USH2A: variants seen among roughly 807,000 people sequenced by gnomAD.
USH2A encodes the protein Usher syndrome 2A (autosomal recessive, mild).
Under a neutral mutation model 538.9 loss-of-function variants are expected in USH2A, and 443 were observed. The observed-to-expected ratio is 0.82, with a 90% CI of 0.76 to 0.89. The LOEUF is 0.89. Ranked by LOEUF, USH2A falls within the 40% of genes least tolerant of loss-of-function variation. USH2A has a pLI of 0.00. For synonymous variants in USH2A, 2,413 were observed against 2,273.5 expected (o/e 1.06, Z -1.75); for missense variants, 6,633 against 6,324.8 (o/e 1.05, Z -1.65).
chr1:216,030,819 T>C (rs1161936113), intron 32 of USH2A, among the ~76,000 whole-genome samples: 1 of 151,428 alleles, frequency 6.6e-6, no homozygotes, highest in African/African-American at 2.4e-5. Flanking sequence ...AGGTATTAAT[T>C]TTTTTAATCT....
intron 35 of USH2A, among the ~76,000 whole-genome samples, chr1:215,991,802 T>C (rs1025552653): frequency 3.3e-5 from 5 of 152,208 alleles, no homozygotes; most frequent in African/African-American, 9.6e-5. Context: ...TGCTCTACTA[T>C]GCAAATCATG....
chr1:215,690,184 A>C (rs115432860), intron 61 of USH2A, among the ~76,000 whole-genome samples: 1,555 of 152,224 alleles, frequency 0.01, 26 homozygotes, highest in African/African-American at 0.035. Context: ...TTTAACCAAT[A>C]GTGGCCCAGG....
chr1:216,280,334 G>A (rs1250216715), intron 11 of USH2A, among the ~76,000 whole-genome samples: 1 of 151,218 alleles, frequency 6.6e-6, no homozygotes, highest in African/African-American at 2.4e-5. Flanking sequence ...ATCTTTTTTG[G>A]TTCATGTATC....
At chr1:215,904,258 A>G (rs934572712) in intron 38 of USH2A, among the ~76,000 whole-genome samples, 3 of 152,200 alleles carry the variant, frequency 2.0e-5, no homozygotes, top group Middle Eastern at 3.4e-3. Context: ...AAACTACATT[A>G]CCTTTCTATT....
chr1:215,912,612 G>A (rs917176645), intron 38 of USH2A, among the ~76,000 whole-genome samples: 27 of 151,104 alleles, frequency 1.8e-4, no homozygotes, highest in African/African-American at 4.1e-4. Context: ...ATCCATCCCC[G>A]CAAGCATTTA....
chr1:216,335,709 G>T (rs911992802), intron 4 of USH2A, among the ~76,000 whole-genome samples: 1 of 151,432 alleles, frequency 6.6e-6, no homozygotes, highest in Non-Finnish European at 1.5e-5. Flanking sequence ...CACAAACTAT[G>T]TAAACTGACT....
At chr1:216,086,037 G>A (rs1380425224) in intron 24 of USH2A, among the ~76,000 whole-genome samples, 1 of 151,998 alleles carries the variant, frequency 6.6e-6, no homozygotes, top group African/African-American at 2.4e-5. Flanking sequence ...TTCTTAATGA[G>A]GACTTGGGAA....
intron 21 of USH2A, among the ~76,000 whole-genome samples, chr1:216,159,565 C>A (rs988840691): frequency 2.0e-5 from 3 of 151,526 alleles, no homozygotes; most frequent in Admixed American, 6.6e-5. Context: ...CACACACACA[C>A]ACACACAGAG....
At position 215,623,502 on chromosome 1, in the gene USH2A, T is replaced by TATA. The variant is rs954852069; in HGVS notation, c.*2276_*2278dup. ...TCTAGAGGCGAGTCTGCATGGTTTG[T>TATA]ATAATAGAGGCTTGGCACGCAATAC... On this transcript the variant is annotated 3_prime_UTR_variant, in exon 72 of 72. Transcript: ENST00000307340. 1 of 151,318 alleles carries TATA rather than the reference T, an allele frequency of 6.6e-6. No individual in the cohort carries two copies. The highest frequency in any genetic ancestry group is 1.5e-5 in the Non-Finnish European group (1 of 67,580). The allele number at this position is 151,318 out of a possible 1,614,324, so 9.4% of individuals were successfully genotyped here.
chr1:216,274,956 T>C (rs2036643163), intron 11 of USH2A, among the ~76,000 whole-genome samples: 1 of 152,000 alleles, frequency 6.6e-6, no homozygotes, highest in Non-Finnish European at 1.5e-5. Context: ...AAAACTATAG[T>C]AGGAAAGGAA....
In USH2A at chr1:216,401,200, T is replaced by C. The variant is rs949812855; in HGVS notation, c.651+17314A>G. Among the ~76,000 whole-genome samples, 4 of 152,062 alleles carry C rather than the reference T, an allele frequency of 2.6e-5. No individual in the cohort carries two copies. The South Asian group carries it at 6.2e-4, about 24-fold the overall frequency. ...CCTAAGTGGAAATAAAAGTACACTT[T>C]AATGGAAGTAGTAATATGTCCATGT... is the stretch of plus-strand genomic sequence containing the variant. On this transcript the variant is annotated intron_variant, in intron 3 of 71. Coordinates refer to ENST00000307340, the MANE Select transcript of USH2A (RefSeq NM_206933.4).
chr1:215,737,991 G>C (rs1571635917), intron 60 of USH2A, among the ~76,000 whole-genome samples: 3 of 152,082 alleles, frequency 2.0e-5, no homozygotes, highest in Admixed American at 2.0e-4. Context: ...TTGCCTCTCA[G>C]TGCACATTGA....
chr1:216,169,671 C>T (rs545373265), intron 21 of USH2A, among the ~76,000 whole-genome samples: 3 of 152,250 alleles, frequency 2.0e-5, no homozygotes, highest in African/African-American at 7.2e-5. Flanking sequence ...CTCAACCATT[C>T]TCATCTCTTC....
At chr1:215,846,945 T>C (rs771770711) in intron 44 of USH2A, among the ~76,000 whole-genome samples, 5 of 152,200 alleles carry the variant, frequency 3.3e-5, no homozygotes, top group Non-Finnish European at 7.3e-5. Context: ...CTCAGGATAA[T>C]ACTTAAATTT....
chr1:215,630,484 A>ATGTGTG (rs1420156571), intron 70 of USH2A, among the ~76,000 whole-genome samples: 1 of 10,598 alleles, frequency 9.4e-5, no homozygotes, highest in African/African-American at 2.0e-4. Context: ...GTGTGTGTGT[A>ATGTGTG]TATATATATA....
In USH2A at chr1:216,017,881, C is replaced by T. The variant is rs532684657; in HGVS notation, c.6326-17319G>A. On this transcript the variant is annotated intron_variant, in intron 32 of 71. Coordinates refer to ENST00000307340, the MANE Select transcript of USH2A (RefSeq NM_206933.4). ...ACTATTTCAACCTAGCCCTATACTA[C>T]GCCTTATATAGCATAAGAAAGTAAT... Among the ~76,000 whole-genome samples, 17 of 152,246 alleles carry T rather than the reference C, an allele frequency of 1.1e-4. 1 individual carries two copies. Among genetic ancestry groups the T allele is most frequent in the Middle Eastern group, 3.4e-3 (1 of 294 alleles).
At chr1:216,315,221 T>A (rs2102642515) in intron 9 of USH2A, among the ~76,000 whole-genome samples, 1 of 152,310 alleles carries the variant, frequency 6.6e-6, no homozygotes, top group South Asian at 2.1e-4. Flanking sequence ...ATATACACTT[T>A]GATACTTATA....
rs1156729558 is a variant in USH2A at position 216,422,437 on chromosome 1, A to G, written c.-101T>C. On this transcript the variant is annotated 5_prime_UTR_variant, in exon 2 of 72. Coordinates refer to ENST00000307340, the MANE Select transcript of USH2A (RefSeq NM_206933.4). The stretch of plus-strand genomic sequence containing the variant: ...ACTTTGAAGCAGGGTACTTTAAGTG[A>G]TGTTGCGATACTCCATTTTCTGGAA... 1 of 1,536,402 alleles carries G rather than the reference A, an allele frequency of 6.5e-7. No individual in the cohort carries two copies. Among genetic ancestry groups the G allele is most frequent in the Middle Eastern group, 1.7e-4 (1 of 5,908 alleles).
intron 19 of USH2A, among the ~76,000 whole-genome samples, chr1:216,193,458 C>G (rs539601869): frequency 6.6e-6 from 1 of 152,046 alleles, no homozygotes; most frequent in Non-Finnish European, 1.5e-5. Context: ...GGGTTCTGGT[C>G]TCCTAAAAAG....
Sources: allele counts gnomAD v4.1 joint callset (sites outside exome capture counted in the v4.1 genomes callset), GRCh38; gene constraint gnomAD v4.1.1; transcripts MANE v1.5; gene names NCBI Gene and HGNC (gene_info 2026-07-23, HGNC 2026-07-21).